The following TSHZ2 variants were observed in gnomAD, a reference collection of about 807,000 sequenced individuals.
TSHZ2 encodes teashirt homolog 2.
TSHZ2 carries 21 observed loss-of-function variants against 74.4 expected under a neutral mutation model. The ratio of observed to expected loss-of-function variants is 0.28; its 90% CI spans 0.20 to 0.41. The LOEUF (loss-of-function observed/expected upper bound fraction) is 0.41, where lower values mean the gene tolerates loss of function less well. Among genes scored for constraint, TSHZ2 ranks in the 10% least tolerant of loss-of-function variants. The pLI, the probability that TSHZ2 is intolerant of heterozygous loss-of-function variation, is 1.00. For synonymous variants in TSHZ2, 540 were observed against 515.3 expected (o/e 1.05, Z -0.65); for missense variants, 1,244 against 1,293.5 (o/e 0.96, Z 0.59).
intron 1 of TSHZ2, among the ~76,000 whole-genome samples, chr20:53,157,692 A>C (rs1439908045): frequency 6.6e-6 from 1 of 152,210 alleles, no homozygotes; most frequent in African/African-American, 2.4e-5. Context: ...ATAGTAATGC[A>C]TCTCAACATA....
In TSHZ2 at chr20:53,263,036, G is replaced by A. The variant is rs142452259; in HGVS notation, c.*8+6465G>A. On this transcript the variant is annotated intron_variant, in intron 2 of 2. Transcript: ENST00000371497. ...TGGTTTGGTTTGTTTCCTGGAACAT[G>A]TTCATGTATTTCTTTGTGTATTTGT... 1.8e-4 allele frequency among the ~76,000 whole-genome samples: 27 copies of A among 152,314 alleles called. No homozygotes were observed. In the East Asian group the frequency reaches 3.7e-3, roughly 21 times the overall value.
At chr20:53,336,456 T>C (rs1979951520) in intron 2 of TSHZ2, among the ~76,000 whole-genome samples, 1 of 152,176 alleles carries the variant, frequency 6.6e-6, no homozygotes, top group Non-Finnish European at 1.5e-5. Flanking sequence ...TTTCCATGAA[T>C]AAAACAAAAA....
At chr20:53,177,730 A>C (rs973368633) in intron 1 of TSHZ2, among the ~76,000 whole-genome samples, 2 of 151,686 alleles carry the variant, frequency 1.3e-5, no homozygotes, top group African/African-American at 4.8e-5. Context: ...CTGATTTTAA[A>C]ATAAATAAAA....
chr20:53,038,859 G>GTT (rs5841923), intron 1 of TSHZ2, among the ~76,000 whole-genome samples: 2,175 of 146,704 alleles, frequency 0.015, 40 homozygotes, highest in African/African-American at 0.039. Flanking sequence ...TTCACTTCTT[G>GTT]TTTTTTTTTT....
rs116869934 is a variant in TSHZ2, at chr20:53,345,238, C to T, written c.*8+88667C>T. ...AGAGAGGCTGGTTGGCAAGTGTCCT[C>T]AGCAGGGGACAGCACAGGTGAGATG... On this transcript the variant is annotated intron_variant, in intron 2 of 2. Coordinates refer to ENST00000371497, the MANE Select transcript of TSHZ2 (RefSeq NM_173485.6). Among the ~76,000 whole-genome samples, 125 of 152,190 alleles carry T rather than the reference C, an allele frequency of 8.2e-4. 1 individual carries two copies. The East Asian group carries it at 0.016, about 20-fold the overall frequency.
chr20:53,256,122 T>G lies in TSHZ2; in HGVS notation c.2664T>G (p.Phe888Leu), dbSNP rs964458552. 1 of 1,613,974 alleles carries G rather than the reference T, an allele frequency of 6.2e-7. No individual in the cohort carries two copies. The highest frequency in any genetic ancestry group is 8.5e-7 in the Non-Finnish European group (1 of 1,179,964). Residue 888 changes from phenylalanine to leucine, a missense_variant, in exon 2 of 3, where the codon TTT (phenylalanine) becomes TTG (leucine). Transcript: ENST00000371497. The surrounding 1 kb of genome is among the most constrained non-coding windows in gnomAD (Gnocchi z 4.3). ...AAGAGCGTATGCAAATCTCTAAGTT[T>G]ACGGGACTCTCAATGACCACTATCA... The part of the protein sequence containing the change: ...GPQERMQISK[F>L]TGLSMTTISH...
chr20:53,161,560 A>C (rs765367155), intron 1 of TSHZ2, among the ~76,000 whole-genome samples: 1 of 152,236 alleles, frequency 6.6e-6, no homozygotes, highest in South Asian at 2.1e-4. Flanking sequence ...CAGTCATGGC[A>C]GAAGGCAAAG....
chr20:53,233,422 A>G (rs571803499), intron 1 of TSHZ2, among the ~76,000 whole-genome samples: 3 of 152,370 alleles, frequency 2.0e-5, no homozygotes, highest in Non-Finnish European at 4.4e-5. Context: ...GGGACAGAAA[A>G]GATCTTCTAA....
At chr20:53,045,805 A>T (rs1361375438) in intron 1 of TSHZ2, among the ~76,000 whole-genome samples, 2 of 152,192 alleles carry the variant, frequency 1.3e-5, no homozygotes, top group African/African-American at 4.8e-5. Context: ...AAGCACTTAA[A>T]TGAGTGCCTA....
intron 1 of TSHZ2, among the ~76,000 whole-genome samples, chr20:52,989,377 T>C (rs1442005086): frequency 6.6e-6 from 1 of 152,206 alleles, no homozygotes; most frequent in Non-Finnish European, 1.5e-5. Flanking sequence ...TCTTTAACAT[T>C]AATGTTTTCT....
At chr20:53,293,740 AG>A (rs1991324625) in intron 2 of TSHZ2, among the ~76,000 whole-genome samples, 1 of 150,296 alleles carries the variant, frequency 6.7e-6, no homozygotes, top group South Asian at 2.1e-4. Flanking sequence ...GGTCCTGGCC[AG>A]GCATGGTGGC....
chr20:53,250,901 T>TTG (rs11472057), intron 1 of TSHZ2, among the ~76,000 whole-genome samples: 51,481 of 148,768 alleles, frequency 0.35, 8,874 homozygotes, highest in South Asian at 0.47. Flanking sequence ...GGTGGGCAGA[T>TTG]TGTGTGTGTG....
chr20:53,025,612 A>G (rs1983410421), intron 1 of TSHZ2, among the ~76,000 whole-genome samples: 1 of 152,176 alleles, frequency 6.6e-6, no homozygotes, highest in African/African-American at 2.4e-5. Context: ...ACACCTTCAC[A>G]TCTAGAACAA....
intron 2 of TSHZ2, among the ~76,000 whole-genome samples, chr20:53,259,691 G>A (rs192394327): frequency 4.7e-4 from 71 of 152,308 alleles, no homozygotes; most frequent in African/African-American, 1.6e-3. Flanking sequence ...GGTGAAAAGC[G>A]CGTAAGGTTG....
At chr20:53,441,015 TA>T (rs1191168083) in intron 2 of TSHZ2, among the ~76,000 whole-genome samples, 1 of 152,164 alleles carries the variant, frequency 6.6e-6, no homozygotes, top group Admixed American at 6.5e-5. Flanking sequence ...AGTGCTGCAA[TA>T]AAAATTAAGC....
intron 1 of TSHZ2, among the ~76,000 whole-genome samples, chr20:53,228,096 C>G (rs1874874803): frequency 8.5e-6 from 1 of 117,088 alleles, no homozygotes; most frequent in Admixed American, 9.0e-5. Context: ...TGGATGCTGG[C>G]CCCCAAAACA....
rs71194478 is a variant in TSHZ2 at position 53,436,536 on chromosome 20, A to ATTTTTTTTTTTTTTT, written c.*9-50606_*9-50605insTTTTTTTTTTTTTTT. Among the ~76,000 whole-genome samples the ATTTTTTTTTTTTTTT allele has an allele frequency of 3.8e-4, 32 of 83,526 alleles. 2 individuals carry two copies. The highest frequency in any genetic ancestry group is 8.1e-4 in the East Asian group (2 of 2,484). The allele number at this position is 83,526 out of a possible 152,430, so 54.8% of individuals were successfully genotyped here. Reference sequence around the variant, plus strand: ...CTTATTTTATTTATTTATTATTATTATTATTATTATTATTTTTTTTTTTTT... The same window carrying ATTTTTTTTTTTTTTT: ...CTTATTTTATTTATTTATTATTATTATTTTTTTTTTTTTTTTTATTATTATTATTTTTTTTTTTTT... On this transcript the variant is annotated intron_variant, in intron 2 of 2. Coordinates refer to ENST00000371497, the MANE Select transcript of TSHZ2 (RefSeq NM_173485.6).
intron 2 of TSHZ2, among the ~76,000 whole-genome samples, chr20:53,475,777 A>G (rs1985973661): frequency 7.1e-6 from 1 of 141,184 alleles, no homozygotes; most frequent in Non-Finnish European, 1.5e-5. Flanking sequence ...CTAATAAAGA[A>G]GAAAAGAGAG....
chr20:53,204,965 C>T (rs552283677), intron 1 of TSHZ2, among the ~76,000 whole-genome samples: 26 of 149,898 alleles, frequency 1.7e-4, no homozygotes, highest in Non-Finnish European at 2.9e-4. Flanking sequence ...CATGTGTGCA[C>T]CTGTAGTCCC....
Sources: allele counts gnomAD v4.1 joint callset (sites outside exome capture counted in the v4.1 genomes callset), GRCh38; gene constraint gnomAD v4.1.1; non-coding constraint Gnocchi (gnomAD v3.1); transcripts MANE v1.5; gene names NCBI Gene and HGNC (gene_info 2026-07-23, HGNC 2026-07-21).